The following PCDH11X variants were observed in gnomAD, a reference collection of about 807,000 sequenced individuals.
PCDH11X encodes the protein protocadherin 11 X-linked.
Under a neutral mutation model 53.3 loss-of-function variants are expected in PCDH11X, and 18 were observed. The ratio of observed to expected loss-of-function variants is 0.34; its 90% CI spans 0.23 to 0.50. The LOEUF (loss-of-function observed/expected upper bound fraction) is 0.50. Ranked by LOEUF, PCDH11X falls within the 20% of genes least tolerant of loss-of-function variation. PCDH11X has a pLI of 0.98. For missense variants in PCDH11X, 570 were observed against 1,032.4 expected (o/e 0.55, Z 6.14); for synonymous variants, 279 against 393.3 (o/e 0.71, Z 3.44).
At chrX:91,967,248 A>T (rs2061878919) in intron 6 of PCDH11X, among the ~76,000 whole-genome samples, 1 of 109,960 alleles carries the variant, frequency 9.1e-6, no homozygotes, top group African/African-American at 3.3e-5. Flanking sequence ...ATGACTGAGA[A>T]TGCTGTAAGA....
At chrX:92,074,525 A>AT (rs35708050) in intron 6 of PCDH11X, among the ~76,000 whole-genome samples, 1 of 111,678 alleles carries the variant, frequency 9.0e-6, no homozygotes, top group African/African-American at 3.2e-5. Context: ...TAATAATACA[A>AT]TTTTTTTCTT....
intron 4 of PCDH11X, among the ~76,000 whole-genome samples, chrX:91,816,363 G>A (rs1451839186): frequency 9.0e-6 from 1 of 110,590 alleles, no homozygotes; most frequent in African/African-American, 3.3e-5. Context: ...TCATTTTTTA[G>A]GGAAGAAAGG....
At position 92,620,982 on chromosome X, in the gene PCDH11X, G is replaced by A. The variant is rs1928438756; in HGVS notation, c.*2042G>A. ...TTAAACTTGGGGAAGATTAAGAAAA[G>A]AACCAATAGTGACAAAAATCAGTGC... On this transcript the variant is annotated 3_prime_UTR_variant, in exon 11 of 11. Coordinates refer to ENST00000682573, the MANE Select transcript of PCDH11X (RefSeq NM_032968.5). 2 of 107,892 alleles carry A rather than the reference G, an allele frequency of 1.9e-5. No individual in the cohort carries two copies. The highest frequency in any genetic ancestry group is 6.9e-5 in the African/African-American group (2 of 29,109). The allele number at this position is 107,892 out of a possible 1,213,427, so 8.9% of individuals were successfully genotyped here.
chrX:92,416,452 A>G (rs1199775281), intron 9 of PCDH11X, among the ~76,000 whole-genome samples: 1 of 110,377 alleles, frequency 9.1e-6, no homozygotes, highest in Non-Finnish European at 1.9e-5. Flanking sequence ...TACACCTCCT[A>G]CATACTCACA....
intron 8 of PCDH11X, among the ~76,000 whole-genome samples, chrX:92,280,791 TA>T (rs1045628472): frequency 0.01 from 1,082 of 106,726 alleles, 21 homozygotes; most frequent in African/African-American, 0.035. Flanking sequence ...ATATTTTTTT[TA>T]AAAAAAAATT....
At chrX:92,158,842 G>T (rs1374307079) in intron 6 of PCDH11X, among the ~76,000 whole-genome samples, 1 of 111,008 alleles carries the variant, frequency 9.0e-6, no homozygotes, top group Non-Finnish European at 1.9e-5. Context: ...CACCTTGTTG[G>T]CCAGGATGGT....
intron 6 of PCDH11X, among the ~76,000 whole-genome samples, chrX:92,143,410 C>T (rs1439708287): frequency 3.6e-5 from 4 of 112,438 alleles, no homozygotes; most frequent in Non-Finnish European, 7.5e-5. Context: ...GCAGGGTTCC[C>T]ATGCTGTGTG....
Position 91,878,501 on chromosome X carries a change from A to G in PCDH11X, c.2261A>G (p.Asn754Ser), listed in dbSNP as rs142485462. 5.0e-6 allele frequency: 6 copies of G among 1,207,622 alleles called. No individual in the cohort carries two copies. Among genetic ancestry groups the G allele is most frequent in the Middle Eastern group, 2.3e-4 (1 of 4,367 alleles). ...LGLHRVLVKA[N>S]DLGQPDSLFS... The stretch of plus-strand genomic sequence containing the variant: ...TTACACAGAGTGTTGGTCAAAGCTA[A>G]TGACTTAGGACAGCCTGATTCTCTC... Residue 754 changes from asparagine (N) to serine (S), a missense_variant, in exon 6 of 11, where the codon AAT becomes AGT. This residue lies in a region of PCDH11X where 226 missense variants were observed against 457.5 expected (regional missense o/e 0.49). Transcript: ENST00000682573.
In PCDH11X at chrX:91,995,229, C is replaced by A. The variant is rs1010697144; in HGVS notation, c.3033+115956C>A. On this transcript the variant is annotated intron_variant, in intron 6 of 10. Coordinates refer to ENST00000682573, the MANE Select transcript of PCDH11X (RefSeq NM_032968.5). Reference sequence around the variant, plus strand: ...TGGTGTCACGTTAAAAAAAAAAAAACAAAAAAACAAACAAAAAAAAAAACA... The same window carrying A: ...TGGTGTCACGTTAAAAAAAAAAAAAAAAAAAAACAAACAAAAAAAAAAACA... Among the ~76,000 whole-genome samples the A allele has an allele frequency of 1.5e-3, 138 of 94,700 alleles. 3 individuals carry two copies. The highest frequency in any genetic ancestry group is 0.011 in the East Asian group (33 of 3,007). 82.2% of individuals were successfully genotyped at this position (94,700 alleles called of 115,157 possible). A position where few individuals can be genotyped will look rare whatever the true frequency, so the allele number is the denominator to read the frequency against.
chrX:92,016,271 A>G (rs1292301262), intron 6 of PCDH11X, among the ~76,000 whole-genome samples: 1 of 109,966 alleles, frequency 9.1e-6, no homozygotes, highest in Admixed American at 9.8e-5. Flanking sequence ...TTTTCAGAAT[A>G]GTAAATGATC....
rs199701051 is a variant in PCDH11X at position 92,559,440 on chromosome X, T to TACACACAC, written c.3368-58801_3368-58794dup. Among the ~76,000 whole-genome samples the TACACACAC allele has an allele frequency of 2.5e-3, 251 of 100,478 alleles. 1 individual carries two copies. Among genetic ancestry groups the TACACACAC allele is most frequent in the African/African-American group, 8.2e-3 (229 of 27,796 alleles). The allele number at this position is 100,478 out of a possible 115,157, so 87.3% of individuals were successfully genotyped here. On this transcript the variant is annotated intron_variant, in intron 10 of 10. Transcript: ENST00000682573. ...AATACCAAATTTTAACAAGTATCTTTACACACACACACACACACACACACA... is the reference window on the plus strand; with the variant it reads ...AATACCAAATTTTAACAAGTATCTTTACACACACACACACACACACACACACACACACA...
At chrX:92,057,914 T>C (rs2063472991) in intron 6 of PCDH11X, among the ~76,000 whole-genome samples, 1 of 92,406 alleles carries the variant, frequency 1.1e-5, no homozygotes, top group South Asian at 4.2e-4. Context: ...ACGATGATAA[T>C]AGATTCACAG....
chrX:92,208,420 G>C (rs1399962356), intron 7 of PCDH11X, among the ~76,000 whole-genome samples: 1 of 94,394 alleles, frequency 1.1e-5, no homozygotes. Flanking sequence ...AACTCCCTTT[G>C]TCTGGCTTCA....
At chrX:92,098,296 G>A (rs2064175201) in intron 6 of PCDH11X, among the ~76,000 whole-genome samples, 1 of 111,611 alleles carries the variant, frequency 9.0e-6, no homozygotes, top group African/African-American at 3.3e-5. Context: ...GGTGGAGGTA[G>A]ATTCAACTCC....
chrX:91,779,797 G>A (rs1037942211), intron 1 of PCDH11X, 113 bp downstream of exon 1: 20 of 105,975 alleles, frequency 1.9e-4, no homozygotes, highest in African/African-American at 6.9e-4. Context: ...CTATGACAAC[G>A]GGGTGGTTTT....
At chrX:91,780,792 C>T (rs192600212) in intron 1 of PCDH11X, among the ~76,000 whole-genome samples, 1 of 112,681 alleles carries the variant, frequency 8.9e-6, no homozygotes, top group Non-Finnish European at 1.9e-5. Context: ...GCAGTCCGCC[C>T]GGGTTGCGGC....
In PCDH11X at chrX:92,094,868, G is replaced by C. The variant is rs145323159; in HGVS notation, c.3034-106507G>C. Among the ~76,000 whole-genome samples, 145 of 111,740 alleles carry C rather than the reference G, an allele frequency of 1.3e-3. 1 individual carries two copies. Among genetic ancestry groups the C allele is most frequent in the African/African-American group, 4.5e-3 (140 of 30,842 alleles). ...TTAATTTCTAATATCTAGAGGTTTA[G>C]AAAAACATTAACATTCCTCTTTAAT... On this transcript the variant is annotated intron_variant, in intron 6 of 10. Transcript: ENST00000682573.
chrX:92,216,569 C>T (rs2066718865), intron 7 of PCDH11X, among the ~76,000 whole-genome samples: 2 of 105,019 alleles, frequency 1.9e-5, no homozygotes, highest in South Asian at 4.6e-4. Flanking sequence ...ACCAAATCTA[C>T]GTCTGATTGG....
chrX:92,586,499 A>G (rs1188081417), intron 10 of PCDH11X, among the ~76,000 whole-genome samples: 1 of 104,303 alleles, frequency 9.6e-6, no homozygotes, highest in Non-Finnish European at 2.0e-5. Context: ...TTATTAACAT[A>G]AAGTATAGCT....
Sources: allele counts gnomAD v4.1 joint callset (sites outside exome capture counted in the v4.1 genomes callset), GRCh38; gene constraint gnomAD v4.1.1; regional missense constraint gnomAD v4.1.1; transcripts MANE v1.5; gene names NCBI Gene and HGNC (gene_info 2026-07-23, HGNC 2026-07-21).